The following FANCA variants were observed in gnomAD, a reference collection of about 807,000 sequenced individuals.
FANCA encodes FA complementation group A, also known as Fanconi anemia group A protein.
FANCA carries 236 observed loss-of-function variants against 194.3 expected under a neutral mutation model. The observed-to-expected ratio is 1.21, with a 90% confidence interval of 1.09 to 1.35. The LOEUF is 1.35. FANCA is among the 40% of genes most tolerant of loss of function. The probability of loss-of-function intolerance (pLI) is 0.00; values close to 1 mark genes in which losing one functional copy is unlikely to be tolerated. For synonymous variants in FANCA, 1,014 were observed against 715.8 expected, an observed-to-expected ratio of 1.42 and a Z score of -6.65; for missense variants, 2,628 against 1,813.9, an observed-to-expected ratio of 1.45 and a Z score of -8.15.
rs777472045 is a variant in FANCA, at chr16:89,770,582, C to G, written c.2204G>C (p.Ser735Thr). 2.5e-6 allele frequency: 4 copies of G among 1,611,344 alleles called. No individual in the cohort carries two copies. The South Asian group carries it at 3.3e-5, about 13-fold the overall frequency. The stretch of plus-strand genomic sequence containing the variant: ...CCTTCACCTCTCCGGGGGAGCGACA[C>G]TGGAGGCAGCCATCAGGTTCTGACA... ...SFCQNLMAAS[S>T]VAPPERQGPW... Residue 735 changes from serine to threonine, a missense_variant, in exon 24 of 43, where the codon AGT becomes ACT. Transcript: ENST00000389301.
chr16:89,767,307 G>C lies in FANCA; in HGVS notation c.2505-70C>G, dbSNP rs17233134. ...AAGGGATGAAGGAAAAAGTTACTTTGAATTTCATAAAACTGAATTTAGTGC... is the reference window on the plus strand; with the variant it reads ...AAGGGATGAAGGAAAAAGTTACTTTCAATTTCATAAAACTGAATTTAGTGC... On this transcript the variant is annotated intron_variant, in intron 26 of 42. Transcript: ENST00000389301. 12,025 of 1,133,286 alleles carry C rather than the reference G, an allele frequency of 0.011. 152 individuals carry two copies. The highest frequency in any genetic ancestry group is 0.042 in the South Asian group (3,333 of 79,266). 70.2% of individuals were successfully genotyped at this position (1,133,286 alleles called of 1,614,324 possible).
chr16:89,786,467 A>T (rs1180276944), intron 14 of FANCA, among the ~76,000 whole-genome samples: 1 of 152,002 alleles, frequency 6.6e-6, no homozygotes, highest in Non-Finnish European at 1.5e-5. Context: ...ATGAGCCACC[A>T]CGTCTGACCT....
chr16:89,784,767 G>A, intron 15 of FANCA, 87 bp downstream of exon 15: 1 of 965,130 alleles, frequency 1.0e-6, no homozygotes, highest in Non-Finnish European at 1.7e-6. Context: ...AGATCTGCAG[G>A]AGGCTCTTGG....
chr16:89,800,072 C>T (rs778535848), intron 8 of FANCA, among the ~76,000 whole-genome samples: 4 of 152,202 alleles, frequency 2.6e-5, no homozygotes, highest in African/African-American at 9.7e-5. Flanking sequence ...ACTCCAGTAC[C>T]GAAGGGACCT....
chr16:89,792,041 A>T lies in FANCA; in HGVS notation c.1111T>A (p.Leu371Met). The T allele has an allele frequency of 1.2e-6, 2 of 1,613,934 alleles. No individual in the cohort carries two copies. The highest frequency in any genetic ancestry group is 2.2e-5 in the South Asian group (2 of 91,070). ...RLFVMLSAEE[L>M]VGHLQEVLET... ...AGAACTTCTTGCAAATGGCCAACCA[A>T]CTCCTCTGCACTCAGCATCACAAAG... The change falls in exon 13 of 43, where the codon TTG (leucine) becomes ATG (methionine). Residue 371 changes from leucine (L) to methionine (M), a missense_variant. Leu to Met is a conservative substitution (Grantham distance 15, BLOSUM62 2). Coordinates refer to ENST00000389301, the MANE Select transcript of FANCA (RefSeq NM_000135.4).
intron 6 of FANCA, among the ~76,000 whole-genome samples, chr16:89,807,699 A>G (rs2040711688): frequency 6.6e-6 from 1 of 151,840 alleles, no homozygotes; most frequent in Non-Finnish European, 1.5e-5. Flanking sequence ...CCTGGCTAAC[A>G]TGGTGAAACC....
chr16:89,784,428 A>T (rs1388816151), intron 15 of FANCA, among the ~76,000 whole-genome samples: 5 of 151,366 alleles, frequency 3.3e-5, no homozygotes, highest in Admixed American at 2.6e-4. Context: ...AATTAAAAAA[A>T]AAAAAAAAAA....
rs766580461 is a variant in FANCA, at chr16:89,783,037, T to C, written c.1536A>G (p.Ser512=). Residue 512 remains serine, a synonymous_variant, in exon 16 of 43, where the codon TCA becomes TCG. Coordinates refer to ENST00000389301, the MANE Select transcript of FANCA (RefSeq NM_000135.4). ...KYRSLLTDYI[S]LAKTRLADLK... ...GGTCGGCCAGCCGTGTCTTGGCCAATGAGATGTAGTCTGTGAGGAGGGAGC... is the reference window on the plus strand; with the variant it reads ...GGTCGGCCAGCCGTGTCTTGGCCAACGAGATGTAGTCTGTGAGGAGGGAGC... 6.2e-7 allele frequency: 1 copy of C among 1,602,980 alleles called. No homozygotes were observed. Among genetic ancestry groups the C allele is most frequent in the South Asian group, 1.1e-5 (1 of 90,814 alleles).
At chr16:89,803,371 T>C (rs756723194) in intron 7 of FANCA, 30 bp from the exon 8 acceptor site, 2 of 1,586,714 alleles carry the variant, frequency 1.3e-6, no homozygotes, top group African/African-American at 1.3e-5. Context: ...AAGTTATTTA[T>C]GGACATCATG....
Position 89,737,866 on chromosome 16 carries a change from T to C in FANCA, c.*735A>G. On this transcript the variant is annotated 3_prime_UTR_variant, in exon 43 of 43. Transcript: ENST00000389301. ...ACCTTCAAGCAGCGGAAGCACCTTC[T>C]CGTCCACCAAATGCGACATTCGGGA... The C allele has an allele frequency of 6.2e-7, 1 of 1,614,196 alleles. No homozygotes were observed. Among genetic ancestry groups the C allele is most frequent in the Non-Finnish European group, 8.5e-7 (1 of 1,180,036 alleles).
Position 89,772,157 on chromosome 16 carries a change from T to A in FANCA, c.2015-343A>T, listed in dbSNP as rs1239330013. ...GCCTAAGCGCATGCCAGAGGTTCCA[T>A]GTTGGCCCAGGGAAATGGGCCACAC... is the stretch of plus-strand genomic sequence containing the variant. On this transcript the variant is annotated intron_variant, in intron 22 of 42. Transcript: ENST00000389301. Among the ~76,000 whole-genome samples the A allele has an allele frequency of 2.0e-5, 3 of 152,226 alleles. No homozygotes were observed. The East Asian group carries it at 5.8e-4, about 29-fold the overall frequency.
At chr16:89,779,166 G>C (rs546172066) in intron 18 of FANCA, among the ~76,000 whole-genome samples, 163 bp from the exon 19 acceptor site, 2 of 152,258 alleles carry the variant, frequency 1.3e-5, no homozygotes, top group Admixed American at 6.5e-5. Flanking sequence ...GGCATGTGTA[G>C]GGCAGGCCGT....
chr16:89,754,657 C>A (rs1288542935), intron 30 of FANCA, among the ~76,000 whole-genome samples: 1 of 152,126 alleles, frequency 6.6e-6, no homozygotes, highest in African/African-American at 2.4e-5. Context: ...GCATGAGCCA[C>A]CATGCCTGGC....
At position 89,737,853 on chromosome 16, in the gene FANCA, C is replaced by T. The variant is rs149209309; in HGVS notation, c.*748G>A. 10 of 1,614,040 alleles carry T rather than the reference C, an allele frequency of 6.2e-6. No individual in the cohort carries two copies. Among genetic ancestry groups the T allele is most frequent in the Admixed American group, 3.3e-5 (2 of 59,994 alleles). On this transcript the variant is annotated 3_prime_UTR_variant, in exon 43 of 43. Coordinates refer to ENST00000389301, the MANE Select transcript of FANCA (RefSeq NM_000135.4). ...CGAATGTGGACAAACCTTCAAGCAG[C>T]GGAAGCACCTTCTCGTCCACCAAAT...
chr16:89,816,341 C>A (rs1598203810), intron 1 of FANCA, 196 bp downstream of exon 1: 1 of 286,880 alleles, frequency 3.5e-6, no homozygotes, highest in African/African-American at 2.2e-5. Flanking sequence ...CGGCTGGGGG[C>A]GTCCGCCCAG....
intron 27 of FANCA, 93 bp downstream of exon 27, chr16:89,767,048 C>T (rs36110837): frequency 9.6e-6 from 10 of 1,037,160 alleles, no homozygotes; most frequent in Non-Finnish European, 1.5e-5. Flanking sequence ...GAGATGGGCA[C>T]AAAGCGGCAG....
chr16:89,767,353 A>T, intron 26 of FANCA, 116 bp from the exon 27 acceptor site: 1 of 775,992 alleles, frequency 1.3e-6, no homozygotes, highest in Non-Finnish European at 2.2e-6. Context: ...GGATGGCCTG[A>T]GCATTGGTCC....
chr16:89,766,096 A>G (rs2039118553), intron 27 of FANCA, among the ~76,000 whole-genome samples: 1 of 151,490 alleles, frequency 6.6e-6, no homozygotes, highest in Non-Finnish European at 1.5e-5. Flanking sequence ...TCCCTGGTTC[A>G]AGCGATTCTC....
chr16:89,765,647 G>C (rs576775726), intron 27 of FANCA, among the ~76,000 whole-genome samples: 1 of 152,246 alleles, frequency 6.6e-6, no homozygotes, highest in Non-Finnish European at 1.5e-5. Context: ...AACTGGACAA[G>C]CCAGACACAC....
Sources: allele counts gnomAD v4.1 joint callset (sites outside exome capture counted in the v4.1 genomes callset), GRCh38; gene constraint gnomAD v4.1.1; transcripts MANE v1.5; gene names NCBI Gene and HGNC (gene_info 2026-07-23, HGNC 2026-07-21).